The following FRMD5 variants were observed in gnomAD, a reference collection of about 807,000 sequenced individuals.
FRMD5 encodes FERM domain-containing protein 5.
Under a neutral mutation model 69.0 loss-of-function variants are expected in FRMD5, and 20 were observed. The ratio of observed to expected loss-of-function variants is 0.29; its 90% CI spans 0.20 to 0.42. FRMD5 has a LOEUF of 0.42. FRMD5 is among the 10% of genes least tolerant of loss of function. FRMD5 has a pLI of 1.00. For synonymous variants in FRMD5, 271 were observed against 260.1 expected (o/e 1.04, Z -0.40); for missense variants, 595 against 708.6 (o/e 0.84, Z 1.82).
intron 7 of FRMD5, among the ~76,000 whole-genome samples, chr15:43,893,783 A>G (rs1160380117): frequency 6.6e-6 from 1 of 152,160 alleles, no homozygotes; most frequent in Admixed American, 6.5e-5. Flanking sequence ...CCTGACACAG[A>G]TTCTCAGCCT....
At chr15:43,955,658 A>C (rs1485297507) in intron 1 of FRMD5, among the ~76,000 whole-genome samples, 3 of 152,214 alleles carry the variant, frequency 2.0e-5, no homozygotes, top group African/African-American at 7.2e-5. Flanking sequence ...TTTGTTAAGC[A>C]CACAATTTCT....
At chr15:43,969,176 C>T (rs2090339204) in intron 1 of FRMD5, among the ~76,000 whole-genome samples, 1 of 151,510 alleles carries the variant, frequency 6.6e-6, no homozygotes, top group African/African-American at 2.4e-5. Flanking sequence ...CAGCCTCCAA[C>T]TCCTGGGCTC....
At chr15:44,161,123 C>G (rs1222582361) in intron 1 of FRMD5, among the ~76,000 whole-genome samples, 1 of 152,102 alleles carries the variant, frequency 6.6e-6, no homozygotes. Flanking sequence ...CTTACTGGTC[C>G]CTCCTTGAGT....
At chr15:44,039,430 T>G (rs576302911) in intron 1 of FRMD5, among the ~76,000 whole-genome samples, 19 of 152,312 alleles carry the variant, frequency 1.2e-4, no homozygotes, top group African/African-American at 1.7e-4. Context: ...GAGCTCTCGC[T>G]GGCAACTGGC....
chr15:44,149,645 A>G (rs1470803068), intron 1 of FRMD5, among the ~76,000 whole-genome samples: 1 of 152,164 alleles, frequency 6.6e-6, no homozygotes, highest in Non-Finnish European at 1.5e-5. Flanking sequence ...TTAAATCAAA[A>G]AAGTTAACAA....
At chr15:43,948,750 C>A (rs1266491121) in intron 1 of FRMD5, among the ~76,000 whole-genome samples, 2 of 152,186 alleles carry the variant, frequency 1.3e-5, no homozygotes, top group Non-Finnish European at 2.9e-5. Flanking sequence ...CCGAAAAGGA[C>A]AGGCCTGTAC....
chr15:44,176,770 C>T lies in FRMD5; in HGVS notation c.102+18183G>A, dbSNP rs186234075. 1.5e-3 allele frequency among the ~76,000 whole-genome samples: 231 copies of T among 151,886 alleles called. 1 individual carries two copies. The highest frequency in any genetic ancestry group is 5.3e-3 in the African/African-American group (220 of 41,444). ...GATATACAAATGGCCAGTAAACATA[C>T]GAAAAGATGCTCAACATATTTAGTC... On this transcript the variant is annotated intron_variant, in intron 1 of 13. Transcript: ENST00000417257.
chr15:44,116,130 G>A (rs1289943196), intron 1 of FRMD5, among the ~76,000 whole-genome samples: 1 of 151,580 alleles, frequency 6.6e-6, no homozygotes, highest in African/African-American at 2.4e-5. Flanking sequence ...GAGGAAAGAT[G>A]ATTTATTAGG....
chr15:44,183,622 G>A (rs1170417573), intron 1 of FRMD5, among the ~76,000 whole-genome samples: 3 of 152,162 alleles, frequency 2.0e-5, no homozygotes, highest in African/African-American at 7.2e-5. Context: ...CCCCCACATG[G>A]AGGCCAGGCC....
At chr15:44,133,019 C>T (rs1053450537) in intron 1 of FRMD5, among the ~76,000 whole-genome samples, 1 of 151,782 alleles carries the variant, frequency 6.6e-6, no homozygotes, top group Non-Finnish European at 1.5e-5. Flanking sequence ...TCTTGGCCTC[C>T]CAAAGTGCTG....
In FRMD5 at chr15:43,901,073, T is replaced by C. The variant is rs1037844976; in HGVS notation, c.639+1102A>G. ...CATTAGGATGGGCCCTAATCCAATATGACTGGTGTCTTTGGAGAAATCTGG... is the reference window on the plus strand; with the variant it reads ...CATTAGGATGGGCCCTAATCCAATACGACTGGTGTCTTTGGAGAAATCTGG... On this transcript the variant is annotated intron_variant, in intron 7 of 13. Transcript: ENST00000417257. Among the ~76,000 whole-genome samples, 4 of 152,176 alleles carry C rather than the reference T, an allele frequency of 2.6e-5. 1 individual carries two copies. Among genetic ancestry groups the C allele is most frequent in the African/African-American group, 9.7e-5 (4 of 41,442 alleles).
Position 43,874,224 on chromosome 15 carries a change from C to G in FRMD5, c.1374G>C (p.Glu458Asp). 1 of 1,614,250 alleles carries G rather than the reference C, an allele frequency of 6.2e-7. No homozygotes were observed. Among genetic ancestry groups the G allele is most frequent in the Non-Finnish European group, 8.5e-7 (1 of 1,180,044 alleles). ...QINGATCSIE[E>D]EKESEASTPT... ...GGGTGCTGGCTTCAGATTCCTTCTC[C>G]TCCTCAATGCTGCAGGTGGCTCCAT... The change falls in exon 14 of 14, where the codon GAG (glutamate) becomes GAC (aspartate). Residue 458 changes from glutamate (E) to aspartate (D), a missense_variant. Physicochemically the swap from Glu to Asp is conservative, Grantham distance 45. Around this residue, in one of 5 missense-constraint regions of FRMD5, gnomAD observed 245 missense variants for 227.1 expected, o/e 1.08. Coordinates refer to ENST00000417257, the MANE Select transcript of FRMD5 (RefSeq NM_032892.5).
At chr15:44,032,857 G>C (rs1300089825) in intron 1 of FRMD5, among the ~76,000 whole-genome samples, 1 of 152,048 alleles carries the variant, frequency 6.6e-6, no homozygotes, top group South Asian at 2.1e-4. Context: ...CCCATTACTG[G>C]GTATATACCC....
At chr15:43,933,521 T>A (rs2089710160) in intron 1 of FRMD5, among the ~76,000 whole-genome samples, 2 of 152,180 alleles carry the variant, frequency 1.3e-5, no homozygotes, top group Non-Finnish European at 2.9e-5. Context: ...ATTACTGGCA[T>A]CTGATGGTCT....
intron 1 of FRMD5, among the ~76,000 whole-genome samples, chr15:44,028,451 A>G (rs1251444881): frequency 6.6e-6 from 1 of 152,236 alleles, no homozygotes; most frequent in East Asian, 1.9e-4. Flanking sequence ...CTCCTTCTTC[A>G]TGTTTGGGAG....
intron 1 of FRMD5, among the ~76,000 whole-genome samples, chr15:44,043,825 G>A (rs141085710): frequency 6.6e-6 from 1 of 152,134 alleles, no homozygotes; most frequent in Non-Finnish European, 1.5e-5. Flanking sequence ...AAAAACCCTA[G>A]AAGAAAACCT....
intron 7 of FRMD5, among the ~76,000 whole-genome samples, chr15:43,894,749 G>T (rs2088874907): frequency 1.3e-5 from 2 of 152,150 alleles, no homozygotes; most frequent in Admixed American, 1.3e-4. Context: ...ACAGGCAGAA[G>T]AGCACCCCCA....
rs541594859 is a variant in FRMD5 at position 44,094,629 on chromosome 15, T to G, written c.102+100324A>C. Among the ~76,000 whole-genome samples the G allele has an allele frequency of 3.9e-5, 6 of 152,302 alleles. No homozygotes were observed. The South Asian group carries it at 1.0e-3, about 26-fold the overall frequency. On this transcript the variant is annotated intron_variant, in intron 1 of 13. Coordinates refer to ENST00000417257, the MANE Select transcript of FRMD5 (RefSeq NM_032892.5). ...ATTTTATTTAACATTTTCTTTTGAT[T>G]GTAGCACAAATTATTTTAGGTCACA...
chr15:44,022,608 G>C (rs373876260), intron 1 of FRMD5, among the ~76,000 whole-genome samples: 1 of 91,614 alleles, frequency 1.1e-5, no homozygotes, highest in Admixed American at 1.2e-4. Context: ...AAAAAAAAAA[G>C]AGGGCAGGTA....
Sources: gnomAD v4.1 joint callset for allele counts (sites outside exome capture counted in the v4.1 genomes callset) on GRCh38, gnomAD v4.1.1 for gene constraint, gnomAD v4.1.1 regional missense constraint, MANE v1.5 for transcripts, NCBI Gene and HGNC (gene_info 2026-07-23, HGNC 2026-07-21) for gene names.